Variants in ZRANB3 observed in about 807,000 individuals in gnomAD.
ZRANB3 encodes zinc finger RANBP2-type containing 3.
ZRANB3 carries 125 observed loss-of-function variants against 133.8 expected under a neutral mutation model. The ratio of observed to expected loss-of-function variants is 0.93; its 90% CI spans 0.81 to 1.08. The LOEUF (loss-of-function observed/expected upper bound fraction) is 1.08. ZRANB3 is among the 50% of genes least tolerant of loss of function. The pLI is 0.00. For missense variants in ZRANB3, 1,229 were observed against 1,275.5 expected (o/e 0.96, Z 0.56); for synonymous variants, 387 against 432.7 (o/e 0.89, Z 1.31).
Position 135,495,853 on chromosome 2 carries a change from C to T in ZRANB3, c.161+8476G>A, listed in dbSNP as rs1692637973. Among the ~76,000 whole-genome samples, 4 of 152,024 alleles carry T rather than the reference C, an allele frequency of 2.6e-5. No individual in the cohort carries two copies. In the South Asian group the frequency reaches 6.2e-4, roughly 24 times the overall value. The stretch of plus-strand genomic sequence containing the variant: ...GTATCAGAATCTACAAAACTGTGCA[C>T]CTCAAATCCATATATTTTATTAAAT... On this transcript the variant is annotated intron_variant, in intron 2 of 20. Coordinates refer to ENST00000264159, the MANE Select transcript of ZRANB3 (RefSeq NM_032143.4).
At chr2:135,463,163 A>T (rs1043976194) in intron 2 of ZRANB3, among the ~76,000 whole-genome samples, 3 of 151,986 alleles carry the variant, frequency 2.0e-5, no homozygotes, top group African/African-American at 4.8e-5. Context: ...CTCTGACTCT[A>T]AAAAAAATTG....
intron 2 of ZRANB3, among the ~76,000 whole-genome samples, chr2:135,415,945 A>G (rs1325454401): frequency 2.0e-5 from 3 of 152,052 alleles, no homozygotes; most frequent in East Asian, 1.9e-4. Context: ...TTAGGTATTG[A>G]TGGGACGTAT....
intron 1 of ZRANB3, chr2:135,511,740 T>G (rs1693465210): frequency 1.3e-6 from 1 of 764,998 alleles, no homozygotes; most frequent in African/African-American, 1.7e-5. Flanking sequence ...TGCTGAAGTT[T>G]CGTGACATCA....
At chr2:135,284,997 C>T (rs1012098121) in intron 8 of ZRANB3, among the ~76,000 whole-genome samples, 2 of 151,990 alleles carry the variant, frequency 1.3e-5, no homozygotes, top group Non-Finnish European at 2.9e-5. Context: ...AGGCATGCAA[C>T]ACCACGCCTG....
intron 2 of ZRANB3, among the ~76,000 whole-genome samples, chr2:135,406,494 C>A (rs905433176): frequency 3.3e-5 from 5 of 152,086 alleles, no homozygotes; most frequent in African/African-American, 1.2e-4. Flanking sequence ...ATTCTGATAC[C>A]AAAGCCTAGC....
At position 135,344,824 on chromosome 2, in the gene ZRANB3, C is replaced by T. The variant is rs189941046; in HGVS notation, c.677+726G>A. ...GGAAAGATCTACAATACATACTAGACGAAGAAAGCAAACTGCAGAATAATG... is the reference window on the plus strand; with the variant it reads ...GGAAAGATCTACAATACATACTAGATGAAGAAAGCAAACTGCAGAATAATG... On this transcript the variant is annotated intron_variant, in intron 6 of 20. Transcript: ENST00000264159. 6.6e-5 allele frequency among the ~76,000 whole-genome samples: 10 copies of T among 152,150 alleles called. 1 individual carries two copies. Among genetic ancestry groups the T allele is most frequent in the South Asian group, 2.1e-4 (1 of 4,816 alleles).
intron 2 of ZRANB3, among the ~76,000 whole-genome samples, chr2:135,436,875 C>T (rs1689559105): frequency 6.6e-6 from 1 of 152,090 alleles, no homozygotes; most frequent in African/African-American, 2.4e-5. Flanking sequence ...TACTACAAGG[C>T]TAGAGAATTT....
intron 6 of ZRANB3, among the ~76,000 whole-genome samples, chr2:135,327,630 AAAGGGTGTTT>A (rs1683899966): frequency 6.6e-6 from 1 of 152,222 alleles, no homozygotes; most frequent in African/African-American, 2.4e-5. Flanking sequence ...AACGGGTGTC[AAAGGGTGTTT>A]ATATTCTTGT....
intron 2 of ZRANB3, among the ~76,000 whole-genome samples, chr2:135,460,216 A>C: frequency 6.6e-6 from 1 of 152,004 alleles, no homozygotes; most frequent in East Asian, 1.9e-4. Context: ...CTTTTAGTTT[A>C]ATTTTTCTGT....
intron 6 of ZRANB3, among the ~76,000 whole-genome samples, chr2:135,320,722 C>T (rs753224243): frequency 1.3e-5 from 2 of 152,168 alleles, no homozygotes; most frequent in Non-Finnish European, 2.9e-5. Context: ...CATACACATG[C>T]AGAGTTAACT....
intron 9 of ZRANB3, among the ~76,000 whole-genome samples, chr2:135,275,322 G>A (rs1436204813): frequency 6.8e-6 from 1 of 146,304 alleles, no homozygotes; most frequent in Non-Finnish European, 1.5e-5. Context: ...CCTCCCAGAT[G>A]GGGTGGCTGG....
intron 8 of ZRANB3, among the ~76,000 whole-genome samples, chr2:135,287,682 T>G (rs1026975221): frequency 6.6e-6 from 1 of 150,418 alleles, no homozygotes; most frequent in African/African-American, 2.5e-5. Context: ...TTTTTTTTTT[T>G]TTTTTTGCAG....
chr2:135,345,060 A>G (rs182582937), intron 6 of ZRANB3: 13 of 152,456 alleles, frequency 8.5e-5, no homozygotes, highest in Admixed American at 8.5e-4. Context: ...AATCTAGCCA[A>G]TAAAAATAAA....
intron 3 of ZRANB3, among the ~76,000 whole-genome samples, chr2:135,366,465 T>C (rs1209270287): frequency 6.6e-6 from 1 of 152,104 alleles, no homozygotes; most frequent in Non-Finnish European, 1.5e-5. Flanking sequence ...TGAGCCCTAA[T>C]GAGTTGAGTA....
rs1452804691 is a variant in ZRANB3, at chr2:135,510,950, T to C, written c.-7-6454A>G. 20 of 833,012 alleles carry C rather than the reference T, an allele frequency of 2.4e-5. No homozygotes were observed. In the Admixed American group the frequency reaches 2.5e-4, roughly 11 times the overall value. The allele number at this position is 833,012 out of a possible 1,614,324, so 51.6% of individuals were successfully genotyped here. On this transcript the variant is annotated intron_variant, in intron 1 of 20. Coordinates refer to ENST00000264159, the MANE Select transcript of ZRANB3 (RefSeq NM_032143.4). ...GACTGTCAGGGTGTCTCACCACTCT[T>C]TGGGGTTCAATGTCACCTTGCTCAC... is the stretch of plus-strand genomic sequence containing the variant.
At chr2:135,500,756 T>TA (rs760594100) in intron 2 of ZRANB3, among the ~76,000 whole-genome samples, 1,329 of 73,582 alleles carry the variant, frequency 0.018, 11 homozygotes, top group African/African-American at 0.038. Context: ...TACATATCAG[T>TA]AAAAAAAAAA....
At chr2:135,324,678 A>C (rs571327180) in intron 6 of ZRANB3, among the ~76,000 whole-genome samples, 4 of 152,312 alleles carry the variant, frequency 2.6e-5, no homozygotes, top group Non-Finnish European at 4.4e-5. Flanking sequence ...TAATGGTTGA[A>C]ACAGTTTACA....
At chr2:135,242,516 T>C (rs1187171263) in intron 12 of ZRANB3, among the ~76,000 whole-genome samples, 2 of 151,902 alleles carry the variant, frequency 1.3e-5, no homozygotes, top group Non-Finnish European at 2.9e-5. Context: ...CTCAAACTCC[T>C]AGGGCACAAG....
chr2:135,390,110 GC>G (rs1687158289), intron 3 of ZRANB3, among the ~76,000 whole-genome samples: 1 of 151,768 alleles, frequency 6.6e-6, no homozygotes, highest in African/African-American at 2.4e-5. Flanking sequence ...CAAACTCCTG[GC>G]CTCATGATCC....
Sources: allele counts gnomAD v4.1 joint callset (sites outside exome capture counted in the v4.1 genomes callset), GRCh38; gene constraint gnomAD v4.1.1; transcripts MANE v1.5; gene names NCBI Gene and HGNC (gene_info 2026-07-23, HGNC 2026-07-21).